The following FER variants were observed in gnomAD, a reference collection of about 807,000 sequenced individuals.
FER encodes tyrosine-protein kinase Fer.
A neutral mutation model predicts 111.0 loss-of-function variants in FER; 63 were observed. That is an observed-to-expected ratio of 0.57 (90% CI 0.46 to 0.70). The LOEUF is 0.70. Ranked by LOEUF, FER falls within the 30% of genes least tolerant of loss-of-function variation. The pLI, the probability that FER is intolerant of heterozygous loss-of-function variation, is 0.00. For synonymous variants in FER, 327 were observed against 313.9 expected, an observed-to-expected ratio of 1.04 and a Z score of -0.44; for missense variants, 914 against 954.0, an observed-to-expected ratio of 0.96 and a Z score of 0.55.
At chr5:108,901,982 G>A (rs1750094593) in intron 10 of FER, among the ~76,000 whole-genome samples, 1 of 152,156 alleles carries the variant, frequency 6.6e-6, no homozygotes, top group Non-Finnish European at 1.5e-5. Context: ...TGGTCTATTA[G>A]TAGAGTAACC....
chr5:109,084,845 TAA>T (rs895447526), intron 16 of FER, among the ~76,000 whole-genome samples: 1 of 151,954 alleles, frequency 6.6e-6, no homozygotes, highest in African/African-American at 2.4e-5. Flanking sequence ...ATCAATTCTT[TAA>T]AAGACTTCCC....
intron 16 of FER, among the ~76,000 whole-genome samples, chr5:109,091,410 C>T (rs1014905386): frequency 6.6e-6 from 1 of 152,198 alleles, no homozygotes; most frequent in Non-Finnish European, 1.5e-5. Context: ...ATGGTGCTAA[C>T]TGCAGGTATG....
At chr5:109,043,995 C>T (rs1297577659) in intron 14 of FER, among the ~76,000 whole-genome samples, 2 of 151,354 alleles carry the variant, frequency 1.3e-5, no homozygotes, top group Non-Finnish European at 2.9e-5. Flanking sequence ...AAAAAGTTTG[C>T]ATAATATGAT....
intron 16 of FER, among the ~76,000 whole-genome samples, chr5:109,093,836 A>G (rs1241723720): frequency 6.6e-6 from 1 of 152,136 alleles, no homozygotes; most frequent in African/African-American, 2.4e-5. Context: ...TTAAAAAAAT[A>G]CCATTGTAGC....
chr5:109,065,556 A>G lies in FER; in HGVS notation c.1924+18358A>G, dbSNP rs138084548. On this transcript the variant is annotated intron_variant, in intron 16 of 19. Transcript: ENST00000281092. The stretch of plus-strand genomic sequence containing the variant: ...TGGAAGCGATGAAGCTTATGCATTA[A>G]TATTAAGGAAGGTAAATCAGCTGAG... Among the ~76,000 whole-genome samples the G allele has an allele frequency of 2.6e-5, 4 of 152,294 alleles. 1 individual carries two copies. In the East Asian group the frequency reaches 7.7e-4, roughly 29 times the overall value.
At chr5:108,977,455 A>C (rs76213595) in intron 13 of FER, among the ~76,000 whole-genome samples, 1 of 152,140 alleles carries the variant, frequency 6.6e-6, no homozygotes, top group Non-Finnish European at 1.5e-5. Flanking sequence ...AATATTTTCC[A>C]ATGTATTTAA....
chr5:108,815,867 T>A (rs1372959375), intron 3 of FER, among the ~76,000 whole-genome samples: 2 of 152,210 alleles, frequency 1.3e-5, no homozygotes, highest in Non-Finnish European at 2.9e-5. Context: ...TATATATTTT[T>A]AAAGCAGTAA....
At chr5:109,176,033 AAAGG>A (rs1312704978) in intron 17 of FER, among the ~76,000 whole-genome samples, 3 of 152,218 alleles carry the variant, frequency 2.0e-5, no homozygotes, top group African/African-American at 7.2e-5. Flanking sequence ...GATGCAGAGA[AAAGG>A]AAGCTCTTAT....
chr5:109,098,984 C>A (rs1747874462), intron 16 of FER, among the ~76,000 whole-genome samples: 1 of 151,516 alleles, frequency 6.6e-6, no homozygotes, highest in Admixed American at 6.6e-5. Flanking sequence ...ACTAAGTCTT[C>A]ACCTCTATAG....
intron 18 of FER, among the ~76,000 whole-genome samples, chr5:109,181,249 C>T (rs1006060358): frequency 2.6e-5 from 4 of 152,100 alleles, no homozygotes; most frequent in African/African-American, 9.7e-5. Context: ...GGTCCAATAA[C>T]CTCATCTGAT....
In FER at chr5:109,196,605, T is replaced by C. The variant is rs1262836412; in HGVS notation, c.*9030T>C. 3.3e-5 allele frequency: 5 copies of C among 152,166 alleles called. No homozygotes were observed. The highest frequency in any genetic ancestry group is 3.3e-4 in the Admixed American group (5 of 15,278). 9.4% of individuals were successfully genotyped at this position (152,166 alleles called of 1,614,324 possible). A position where few individuals can be genotyped will look rare whatever the true frequency, so the allele number is the denominator to read the frequency against. On this transcript the variant is annotated 3_prime_UTR_variant, in exon 20 of 20. Coordinates refer to ENST00000281092, the MANE Select transcript of FER (RefSeq NM_005246.4). ...TTTATCATTTTTACTCAGATCTGTA[T>C]TTAACACTTATTTATTTGTTAGTTT...
At chr5:108,775,868 C>T (rs956513066) in intron 2 of FER, among the ~76,000 whole-genome samples, 2 of 152,106 alleles carry the variant, frequency 1.3e-5, no homozygotes, top group Admixed American at 1.3e-4. Flanking sequence ...TGAAAAAAGA[C>T]CTCGCTTTGT....
At chr5:108,986,442 T>C (rs908152835) in intron 13 of FER, among the ~76,000 whole-genome samples, 4 of 152,136 alleles carry the variant, frequency 2.6e-5, no homozygotes, top group African/African-American at 9.6e-5. Context: ...AGAAGCTTTT[T>C]CATTTAATTA....
chr5:109,002,446 TCCTTATA>T (rs1232997632), intron 13 of FER, among the ~76,000 whole-genome samples: 3 of 151,848 alleles, frequency 2.0e-5, no homozygotes, highest in African/African-American at 7.2e-5. Flanking sequence ...CTGGATCCCT[TCCTTATA>T]CCTTATACAA....
intron 8 of FER, among the ~76,000 whole-genome samples, chr5:108,877,609 T>C (rs1337325596): frequency 6.6e-6 from 1 of 152,244 alleles, no homozygotes; most frequent in Non-Finnish European, 1.5e-5. Flanking sequence ...AGTTTATGTT[T>C]TCAATTTATA....
intron 3 of FER, among the ~76,000 whole-genome samples, chr5:108,813,847 G>C (rs1177023593): frequency 2.0e-5 from 3 of 151,974 alleles, no homozygotes; most frequent in Non-Finnish European, 2.9e-5. Context: ...AATTATGCCT[G>C]TGTACCATTC....
chr5:108,964,256 A>G (rs551524119), intron 13 of FER, among the ~76,000 whole-genome samples: 7 of 152,278 alleles, frequency 4.6e-5, no homozygotes, highest in African/African-American at 1.7e-4. Context: ...GACAGTGTTT[A>G]GGTAGTGTGT....
At chr5:108,807,829 T>G (rs549488747) in intron 3 of FER, among the ~76,000 whole-genome samples, 3 of 152,204 alleles carry the variant, frequency 2.0e-5, no homozygotes, top group Admixed American at 6.5e-5. Flanking sequence ...TATTTTCATT[T>G]ATTTCAGATA....
At chr5:109,133,998 A>G (rs1025833642) in intron 17 of FER, among the ~76,000 whole-genome samples, 1 of 151,904 alleles carries the variant, frequency 6.6e-6, no homozygotes, top group South Asian at 2.1e-4. Context: ...ATCAGGAATA[A>G]TTTTTCTCTC....
Sources: gnomAD v4.1 joint callset for allele counts (sites outside exome capture counted in the v4.1 genomes callset) on GRCh38, gnomAD v4.1.1 for gene constraint, MANE v1.5 for transcripts, NCBI Gene and HGNC (gene_info 2026-07-23, HGNC 2026-07-21) for gene names.